Variants in DLG2 observed in about 807,000 individuals in gnomAD.
DLG2 encodes the protein discs large MAGUK scaffold protein 2, also known as disks large homolog 2.
DLG2 carries 45 observed loss-of-function variants against 132.5 expected under a neutral mutation model. The ratio of observed to expected loss-of-function variants is 0.34; its 90% confidence interval spans 0.27 to 0.44. DLG2 has a LOEUF of 0.44. Among genes scored for constraint, DLG2 ranks in the 20% least tolerant of loss-of-function variants. The pLI, the probability that DLG2 is intolerant of heterozygous loss-of-function variation, is 1.00. For missense variants in DLG2, 1,045 were observed against 1,196.9 expected, an observed-to-expected ratio of 0.87 and a Z score of 1.87; for synonymous variants, 424 against 419.6, an observed-to-expected ratio of 1.01 and a Z score of -0.13.
intron 11 of DLG2, among the ~76,000 whole-genome samples, chr11:84,015,717 G>A (rs761260889): frequency 3.9e-5 from 6 of 151,992 alleles, no homozygotes; most frequent in East Asian, 3.9e-4. Context: ...ACATGACCTC[G>A]TTCCTCTTTA....
intron 10 of DLG2, among the ~76,000 whole-genome samples, chr11:84,084,866 T>C (rs185374785): frequency 9.2e-4 from 140 of 152,330 alleles, no homozygotes; most frequent in Non-Finnish European, 1.6e-3. Context: ...ACTCTTGATG[T>C]TTCCTCCTAG....
At chr11:84,377,330 G>A (rs1180358852) in intron 7 of DLG2, among the ~76,000 whole-genome samples, 1 of 151,764 alleles carries the variant, frequency 6.6e-6, no homozygotes, top group Non-Finnish European at 1.5e-5. Context: ...TAGATTAAAG[G>A]GAATTTAAAA....
Position 84,194,599 on chromosome 11 carries a change from T to C in DLG2, c.574-31088A>G, listed in dbSNP as rs4623920. Among the ~76,000 whole-genome samples, 87 of 152,328 alleles carry C rather than the reference T, an allele frequency of 5.7e-4. No homozygotes were observed. The East Asian group carries it at 0.015, about 27-fold the overall frequency. ...TTTACAGAGAGCTGATTGGTCCATT[T>C]TGACAGGGTACTGATTGGTGCATTT... On this transcript the variant is annotated intron_variant, in intron 8 of 27. Coordinates refer to ENST00000376104, the MANE Select transcript of DLG2 (RefSeq NM_001142699.3).
intron 7 of DLG2, among the ~76,000 whole-genome samples, chr11:84,433,752 T>C (rs1033397064): frequency 2.0e-5 from 3 of 152,296 alleles, no homozygotes; most frequent in African/African-American, 7.2e-5. Context: ...TTGGATTCTA[T>C]AGGAATAAGC....
chr11:84,890,425 T>C (rs891677966), intron 6 of DLG2, among the ~76,000 whole-genome samples: 18 of 152,276 alleles, frequency 1.2e-4, no homozygotes, highest in East Asian at 1.9e-4. Flanking sequence ...CTTATAAGAA[T>C]TGGGAGCTGC....
At chr11:84,779,113 T>A (rs2071224765) in intron 6 of DLG2, among the ~76,000 whole-genome samples, 1 of 152,088 alleles carries the variant, frequency 6.6e-6, no homozygotes, top group African/African-American at 2.4e-5. Flanking sequence ...AACTTGCAGA[T>A]GGCCTACTGT....
intron 6 of DLG2, among the ~76,000 whole-genome samples, chr11:84,813,187 C>T (rs773043666): frequency 9.2e-5 from 14 of 151,954 alleles, no homozygotes; most frequent in Admixed American, 2.6e-4. Flanking sequence ...CACACACACA[C>T]ACACATACAC....
At chr11:84,981,589 T>G (rs2509057) in intron 6 of DLG2, among the ~76,000 whole-genome samples, 1 of 151,986 alleles carries the variant, frequency 6.6e-6, no homozygotes, top group Admixed American at 6.6e-5. Flanking sequence ...TATAAAACAA[T>G]AGACAGCATT....
chr11:83,715,073 T>A (rs146998890), intron 18 of DLG2, among the ~76,000 whole-genome samples: 1 of 152,124 alleles, frequency 6.6e-6, no homozygotes, highest in Non-Finnish European at 1.5e-5. Flanking sequence ...TGGAATACTA[T>A]GCAGCCATAA....
chr11:85,628,359 G>A (rs1448319521), upstream of DLG2, among the ~76,000 whole-genome samples: 2 of 152,156 alleles, frequency 1.3e-5, no homozygotes, highest in Non-Finnish European at 2.9e-5. Context: ...CTGATAAATA[G>A]TCAGGGAAGG....
intron 3 of DLG2, among the ~76,000 whole-genome samples, chr11:85,485,972 T>C (rs1035072727): frequency 1.3e-5 from 2 of 152,076 alleles, no homozygotes; most frequent in Admixed American, 6.5e-5. Flanking sequence ...ACAACTAGGA[T>C]AGTCCACATC....
intron 6 of DLG2, among the ~76,000 whole-genome samples, chr11:85,011,762 C>T (rs1341510818): frequency 6.6e-6 from 1 of 152,124 alleles, no homozygotes; most frequent in African/African-American, 2.4e-5. Flanking sequence ...TAAGAGAATT[C>T]CAGTCTCTTA....
chr11:84,594,666 C>A (rs2099552100), intron 6 of DLG2, among the ~76,000 whole-genome samples: 1 of 152,048 alleles, frequency 6.6e-6, no homozygotes, highest in Non-Finnish European at 1.5e-5. Context: ...GCAAAACAAA[C>A]AGTTTGGGAT....
chr11:84,827,820 A>T (rs771223937), intron 6 of DLG2, among the ~76,000 whole-genome samples: 1 of 151,686 alleles, frequency 6.6e-6, no homozygotes, highest in Non-Finnish European at 1.5e-5. Flanking sequence ...GAAACTGGAG[A>T]TCATTATATT....
intron 6 of DLG2, among the ~76,000 whole-genome samples, chr11:84,743,932 G>A (rs987423211): frequency 6.6e-5 from 10 of 151,916 alleles, no homozygotes; most frequent in African/African-American, 2.2e-4. Context: ...CACCATCTTG[G>A]CCAGGCTGGT....
chr11:84,456,420 G>A (rs754899502), intron 7 of DLG2, among the ~76,000 whole-genome samples: 1 of 151,246 alleles, frequency 6.6e-6, no homozygotes, highest in Non-Finnish European at 1.5e-5. Context: ...TATTTGATAT[G>A]TGCAAGGCAT....
At chr11:85,239,577 T>C (rs1416165692) in intron 4 of DLG2, among the ~76,000 whole-genome samples, 6 of 152,182 alleles carry the variant, frequency 3.9e-5, no homozygotes, top group African/African-American at 1.2e-4. Flanking sequence ...ATAAGTGGAC[T>C]CATGCAGTGC....
intron 6 of DLG2, 52 bp from the exon 7 acceptor site, chr11:84,534,783 G>C: frequency 6.3e-7 from 1 of 1,578,242 alleles, no homozygotes; most frequent in Non-Finnish European, 8.7e-7. Context: ...TGTTTGTAAA[G>C]GATATAGACT....
intron 16 of DLG2, among the ~76,000 whole-genome samples, chr11:83,856,651 T>G (rs556908755): frequency 1.1e-3 from 171 of 152,318 alleles, no homozygotes; most frequent in African/African-American, 3.8e-3. Context: ...AAACTTTTCA[T>G]GTCCTTTGCC....
Sources: gnomAD v4.1 joint callset for allele counts (sites outside exome capture counted in the v4.1 genomes callset) on GRCh38, gnomAD v4.1.1 for gene constraint, MANE v1.5 for transcripts, NCBI Gene and HGNC (gene_info 2026-07-23, HGNC 2026-07-21) for gene names.